PCDHA10: variants seen among roughly 807,000 people sequenced by gnomAD.
The protein encoded by PCDHA10 is protocadherin alpha-10.
PCDHA10 carries 45 observed loss-of-function variants against 61.2 expected under a neutral mutation model. The ratio of observed to expected loss-of-function variants is 0.74; its 90% CI spans 0.58 to 0.94. The LOEUF (loss-of-function observed/expected upper bound fraction) is 0.94. PCDHA10 is among the 40% of genes least tolerant of loss of function. The probability of loss-of-function intolerance (pLI) is 0.00; values close to 1 mark genes in which losing one functional copy is unlikely to be tolerated. For synonymous variants in PCDHA10, 602 were observed against 548.8 expected (o/e 1.10, Z -1.35); for missense variants, 1,278 against 1,236.2 (o/e 1.03, Z -0.51).
chr5:140,913,764 T>C (rs2076457452), intron 1 of PCDHA10, among the ~76,000 whole-genome samples: 1 of 152,162 alleles, frequency 6.6e-6, no homozygotes, highest in Admixed American at 6.5e-5. Flanking sequence ...TCATAGGTTT[T>C]GGCATGTTGT....
At chr5:140,883,459 G>A in intron 1 of PCDHA10, 1 of 1,614,132 alleles carries the variant, frequency 6.2e-7, no homozygotes, top group Non-Finnish European at 8.5e-7. Context: ...CCTTCAAGCT[G>A]GTGTCCACCT....
At chr5:140,884,681 A>G (rs2060314464) in intron 1 of PCDHA10, 1 of 1,546,928 alleles carries the variant, frequency 6.5e-7, no homozygotes, top group Non-Finnish European at 8.7e-7. Flanking sequence ...ATATTTTAAA[A>G]AATTGTCTTA....
chr5:140,982,224 A>T, intron 2 of PCDHA10: 1 of 587,320 alleles, frequency 1.7e-6, no homozygotes, highest in South Asian at 3.8e-5. Context: ...TGGCGTTAAT[A>T]AAAAACAGAA....
At chr5:140,879,237 G>C (rs999977997) in intron 1 of PCDHA10, among the ~76,000 whole-genome samples, 14 of 152,134 alleles carry the variant, frequency 9.2e-5, no homozygotes, top group African/African-American at 3.4e-4. Context: ...TATACAAGAG[G>C]CACTGGCAAA....
rs1554169498 is a variant in PCDHA10 at position 140,877,227 on chromosome 5, G to A, written c.2388+18791G>A. On this transcript the variant is annotated intron_variant, in intron 1 of 3. Transcript: ENST00000307360. ...TTAGCGAGTTGGTACCGCGGTCGGT[G>A]GGTGCGGGCCACGTGGTGGCGAAAG... The A allele has an allele frequency of 1.9e-6, 3 of 1,613,738 alleles. No homozygotes were observed. The South Asian group carries it at 3.3e-5, about 18-fold the overall frequency.
chr5:140,962,495 C>T (rs2153732507), intron 1 of PCDHA10, among the ~76,000 whole-genome samples: 1 of 152,240 alleles, frequency 6.6e-6, no homozygotes, highest in Admixed American at 6.5e-5. Context: ...AATTTTCAGA[C>T]ACCTCAGCCA....
At chr5:140,868,042 C>G (rs1248168990) in intron 1 of PCDHA10, 1 of 151,924 alleles carries the variant, frequency 6.6e-6, no homozygotes, top group Non-Finnish European at 1.5e-5. Context: ...CTTGGAAATA[C>G]CAATATGGCA....
At chr5:140,863,416 C>G (rs782237036) in intron 1 of PCDHA10, 14 of 719,640 alleles carry the variant, frequency 1.9e-5, no homozygotes, top group African/African-American at 3.6e-5. Context: ...GCTGGTGTAC[C>G]GCAGCGTAGT....
At chr5:140,860,642 GAAGAT>G (rs144102428) in intron 1 of PCDHA10, 5 of 152,352 alleles carry the variant, frequency 3.3e-5, no homozygotes, top group African/African-American at 1.2e-4. Context: ...CAGGAACGAA[GAAGAT>G]AAGTGAAATA....
rs111528394 is a variant in PCDHA10 at position 140,995,338 on chromosome 5, C to T, written c.2536+12775C>T. Among the ~76,000 whole-genome samples the T allele has an allele frequency of 2.7e-4, 41 of 151,956 alleles. 1 individual carries two copies. Among genetic ancestry groups the T allele is most frequent in the Admixed American group, 6.6e-4 (10 of 15,254 alleles). On this transcript the variant is annotated intron_variant, in intron 3 of 3. Coordinates refer to ENST00000307360, the MANE Select transcript of PCDHA10 (RefSeq NM_018901.4). The stretch of plus-strand genomic sequence containing the variant: ...TGAACTAACAGGTGAGTAGTGTAGA[C>T]GGCATGGATAGGTCGGACAGAGGGA...
intron 1 of PCDHA10, chr5:140,929,202 G>T (rs2085922750): frequency 1.2e-6 from 2 of 1,613,984 alleles, no homozygotes; most frequent in African/African-American, 1.3e-5. Context: ...ACAGTTTGCT[G>T]TTGCGTGGGG....
intron 3 of PCDHA10, among the ~76,000 whole-genome samples, chr5:141,003,899 A>G (rs1288060303): frequency 1.3e-5 from 2 of 152,200 alleles, no homozygotes; most frequent in East Asian, 1.9e-4. Context: ...AGGCCCATTC[A>G]TTTGGGTCTT....
intron 1 of PCDHA10, chr5:140,969,102 T>C: frequency 1.2e-6 from 2 of 1,614,114 alleles, no homozygotes; most frequent in African/African-American, 1.3e-5. Flanking sequence ...CCTCACTTCA[T>C]TGAAGTTCGA....
At chr5:140,901,282 T>A (rs555723354) in intron 1 of PCDHA10, among the ~76,000 whole-genome samples, 44 of 152,318 alleles carry the variant, frequency 2.9e-4, no homozygotes, top group African/African-American at 1.0e-3. Context: ...CAAGAAATTT[T>A]TGCCCAGACT....
chr5:140,966,699 C>A, intron 1 of PCDHA10: 1 of 1,361,588 alleles, frequency 7.3e-7, no homozygotes, highest in Non-Finnish European at 9.4e-7. Context: ...GGGGCCCGGG[C>A]GTGGGGCACG....
rs543216216 is a variant in PCDHA10, at chr5:140,917,329, G to A, written c.2388+58893G>A. 1.4e-4 allele frequency among the ~76,000 whole-genome samples: 20 copies of A among 144,014 alleles called. 2 individuals are homozygous for A. In the South Asian group the frequency reaches 2.0e-3, roughly 14 times the overall value. The allele number at this position is 144,014 out of a possible 152,430, so 94.5% of individuals were successfully genotyped here. ...ACAATTTGGTGTTCATGTGGCGGGG[G>A]AGGGGGGGGATGGTGTAGGCTTCTG... is the stretch of plus-strand genomic sequence containing the variant. On this transcript the variant is annotated intron_variant, in intron 1 of 3. Coordinates refer to ENST00000307360, the MANE Select transcript of PCDHA10 (RefSeq NM_018901.4).
intron 1 of PCDHA10, among the ~76,000 whole-genome samples, chr5:140,917,087 C>G (rs1275905052): frequency 6.6e-6 from 1 of 152,100 alleles, no homozygotes; most frequent in Non-Finnish European, 1.5e-5. Flanking sequence ...GTAAAGTTCC[C>G]CAGTTGCTGT....
At chr5:140,985,847 C>T (rs1178290779) in intron 3 of PCDHA10, among the ~76,000 whole-genome samples, 4 of 150,300 alleles carry the variant, frequency 2.7e-5, no homozygotes, top group African/African-American at 7.3e-5. Context: ...TCATGCCACT[C>T]TCCTGCCTCA....
At chr5:140,863,510 T>G (rs782817870) in intron 1 of PCDHA10, 4 of 411,506 alleles carry the variant, frequency 9.7e-6, no homozygotes, top group Admixed American at 3.0e-5. Context: ...TTAGTCCTAG[T>G]GTTCTCCCAT....
Sources: allele counts gnomAD v4.1 joint callset (sites outside exome capture counted in the v4.1 genomes callset), GRCh38; gene constraint gnomAD v4.1.1; transcripts MANE v1.5; gene names NCBI Gene and HGNC (gene_info 2026-07-23, HGNC 2026-07-21).